The following ADAM2 variants were observed in gnomAD, a reference collection of about 807,000 sequenced individuals.
The protein encoded by ADAM2 is ADAM metallopeptidase domain 2, also known as disintegrin and metalloproteinase domain-containing protein 2.
In ADAM2, 101 loss-of-function variants were observed where a neutral mutation model predicts 99.3. The ratio of observed to expected loss-of-function variants is 1.02; its 90% CI spans 0.87 to 1.20. ADAM2 has a LOEUF of 1.20. Among genes scored for constraint, ADAM2 ranks in the 50% most tolerant of loss-of-function variants. The pLI is 0.00. For synonymous variants in ADAM2, 323 were observed against 287.6 expected, an observed-to-expected ratio of 1.12 and a Z score of -1.25; for missense variants, 948 against 878.7, an observed-to-expected ratio of 1.08 and a Z score of -1.00.
chr8:39,787,637 G>A (rs1464651046), intron 9 of ADAM2, among the ~76,000 whole-genome samples: 2 of 150,950 alleles, frequency 1.3e-5, no homozygotes, highest in Non-Finnish European at 3.0e-5. Flanking sequence ...AAATAGAAAG[G>A]AAGGCTAATG....
At chr8:39,786,904 A>G in intron 10 of ADAM2, 70 bp downstream of exon 10, 1 of 1,189,062 alleles carries the variant, frequency 8.4e-7, no homozygotes, top group Admixed American at 2.6e-5. Flanking sequence ...ACACATAAAA[A>G]TTAAATATGA....
chr8:39,749,421 A>G lies in ADAM2; in HGVS notation c.1905T>C (p.Cys635=), dbSNP rs958040753. The part of the protein sequence containing the change: ...GVCNNKKHCH[C]SASYLPPDCS... The stretch of plus-strand genomic sequence containing the variant: ...AATCTGGAGGTAAATATGAAGCACT[A>G]CAGTGACAGTGCTTTTTGTTATTGC... The change falls in exon 18 of 21, where the codon TGT becomes TGC. Residue 635 remains cysteine, a synonymous_variant. Coordinates refer to ENST00000265708, the MANE Select transcript of ADAM2 (RefSeq NM_001464.5). 1 of 1,612,834 alleles carries G rather than the reference A, an allele frequency of 6.2e-7. No homozygotes were observed. The highest frequency in any genetic ancestry group is 8.5e-7 in the Non-Finnish European group (1 of 1,179,020).
chr8:39,785,810 AAAAG>A (rs1453449688), intron 10 of ADAM2, among the ~76,000 whole-genome samples: 6 of 151,794 alleles, frequency 4.0e-5, no homozygotes, highest in Non-Finnish European at 8.8e-5. Context: ...AAAAAAAAAA[AAAAG>A]AAAGACAGAA....
At chr8:39,794,554 G>A (rs1198880088) in intron 7 of ADAM2, among the ~76,000 whole-genome samples, 2 of 152,104 alleles carry the variant, frequency 1.3e-5, no homozygotes, top group African/African-American at 2.4e-5. Context: ...ACCGCACCAT[G>A]GGACTGGTAG....
intron 7 of ADAM2, among the ~76,000 whole-genome samples, chr8:39,797,706 T>C (rs534856870): frequency 1.3e-5 from 2 of 152,366 alleles, no homozygotes; most frequent in South Asian, 4.1e-4. Context: ...CATTTGTTTG[T>C]GTCCTCTTTT....
intron 15 of ADAM2, among the ~76,000 whole-genome samples, chr8:39,756,352 A>G (rs1391488016): frequency 1.3e-5 from 2 of 152,222 alleles, no homozygotes; most frequent in African/African-American, 4.8e-5. Context: ...AAAAATAACC[A>G]TTAATTAATA....
At chr8:39,826,026 ATCTT>A (rs1367519464) in intron 3 of ADAM2, among the ~76,000 whole-genome samples, 1 of 152,186 alleles carries the variant, frequency 6.6e-6, no homozygotes, top group Admixed American at 6.5e-5. Context: ...AACATGCTTT[ATCTT>A]TCTATTTATT....
chr8:39,773,085 T>G (rs1347798213), intron 11 of ADAM2, among the ~76,000 whole-genome samples: 1 of 151,892 alleles, frequency 6.6e-6, no homozygotes, highest in African/African-American at 2.4e-5. Flanking sequence ...GATAGACATC[T>G]AGAAAGTATA....
At chr8:39,766,635 T>A (rs1802576048) in intron 14 of ADAM2, among the ~76,000 whole-genome samples, 1 of 152,148 alleles carries the variant, frequency 6.6e-6, no homozygotes, top group Non-Finnish European at 1.5e-5. Context: ...CTCAAACACC[T>A]GATCTTGGGT....
chr8:39,832,245 T>A (rs1450222168), intron 3 of ADAM2, among the ~76,000 whole-genome samples: 2 of 152,170 alleles, frequency 1.3e-5, no homozygotes, highest in Non-Finnish European at 2.9e-5. Flanking sequence ...TGGTGCTAGC[T>A]CTGCATACAG....
chr8:39,806,480 AT>A (rs1804447953), intron 7 of ADAM2, among the ~76,000 whole-genome samples: 1 of 148,180 alleles, frequency 6.7e-6, no homozygotes, highest in South Asian at 2.1e-4. Flanking sequence ...GTTATATATA[AT>A]ATATTATAAA....
chr8:39,794,574 G>C (rs148780887), intron 7 of ADAM2, among the ~76,000 whole-genome samples: 1 of 152,092 alleles, frequency 6.6e-6, no homozygotes, highest in Non-Finnish European at 1.5e-5. Context: ...GTTAAAGATC[G>C]ACCCCTGACC....
intron 6 of ADAM2, among the ~76,000 whole-genome samples, chr8:39,817,648 G>T (rs1332402751): frequency 6.6e-6 from 1 of 151,926 alleles, no homozygotes; most frequent in Non-Finnish European, 1.5e-5. Context: ...TGTCATATGT[G>T]ATTTAAAACG....
intron 14 of ADAM2, among the ~76,000 whole-genome samples, chr8:39,761,517 A>G (rs1802370299): frequency 6.6e-6 from 1 of 152,224 alleles, no homozygotes; most frequent in Admixed American, 6.5e-5. Context: ...CATACTCCAG[A>G]GTTAGCCACT....
At chr8:39,772,987 A>G (rs1437284493) in intron 11 of ADAM2, among the ~76,000 whole-genome samples, 1 of 151,894 alleles carries the variant, frequency 6.6e-6, no homozygotes, top group African/African-American at 2.4e-5. Flanking sequence ...TCTGTTGTAC[A>G]TGATGGAAGG....
At chr8:39,831,018 A>C (rs1334076404) in intron 3 of ADAM2, among the ~76,000 whole-genome samples, 1 of 152,106 alleles carries the variant, frequency 6.6e-6, no homozygotes, top group East Asian at 1.9e-4. Flanking sequence ...AGAACCAGGA[A>C]ATGAGCCTTC....
intron 12 of ADAM2, among the ~76,000 whole-genome samples, chr8:39,768,653 C>T (rs373356605): frequency 6.6e-6 from 1 of 152,066 alleles, no homozygotes; most frequent in South Asian, 2.1e-4. Flanking sequence ...TTCTGAACAA[C>T]AAAGGAATTT....
chr8:39,749,180 T>C, intron 18 of ADAM2, 132 bp downstream of exon 18: 2 of 769,170 alleles, frequency 2.6e-6, no homozygotes, highest in Middle Eastern at 3.8e-4. Flanking sequence ...AAGTAACACA[T>C]ACACATTCAT....
In ADAM2 at chr8:39,821,064, A is replaced by G. The variant is rs1400808954; in HGVS notation, c.451T>C (p.Ser151Pro). ...YQVKHKKADV[S>P]LYNEKDIESR... The stretch of plus-strand genomic sequence containing the variant: ...TCAATATCCTTCTCATTATATAAGG[A>G]AACATCTGCTTTCTTATGTTTTACT... The change falls in exon 6 of 21, where the codon TCC (serine) becomes CCC (proline). Residue 151 changes from serine to proline, a missense_variant. Physicochemically the swap from Ser to Pro is moderately conservative, Grantham distance 74. Transcript: ENST00000265708. 6.2e-7 allele frequency: 1 copy of G among 1,607,974 alleles called. No homozygotes were observed. The highest frequency in any genetic ancestry group is 8.5e-7 in the Non-Finnish European group (1 of 1,175,012).
Sources: gnomAD v4.1 joint callset for allele counts (sites outside exome capture counted in the v4.1 genomes callset) on GRCh38, gnomAD v4.1.1 for gene constraint, MANE v1.5 for transcripts, NCBI Gene and HGNC (gene_info 2026-07-23, HGNC 2026-07-21) for gene names.